CDK13: variants seen among roughly 807,000 people sequenced by gnomAD.
The protein encoded by CDK13 is cyclin dependent kinase 13.
CDK13 carries 40 observed loss-of-function variants against 137.6 expected under a neutral mutation model. That is an observed-to-expected ratio of 0.29 (90% CI 0.23 to 0.38). The LOEUF (loss-of-function observed/expected upper bound fraction) is 0.38. Ranked by LOEUF, CDK13 falls within the 10% of genes least tolerant of loss-of-function variation. CDK13 has a pLI of 1.00. For synonymous variants in CDK13, 869 were observed against 760.1 expected (o/e 1.14, Z -2.36); for missense variants, 1,704 against 1,951.8 (o/e 0.87, Z 2.39).
intron 5 of CDK13, among the ~76,000 whole-genome samples, chr7:40,004,660 A>G (rs1784760261): frequency 6.6e-6 from 1 of 152,214 alleles, no homozygotes; most frequent in Admixed American, 6.5e-5. Flanking sequence ...TTGATTGTCT[A>G]GTTAGAGCAT....
chr7:39,978,546 T>A (rs1334303252), intron 1 of CDK13, among the ~76,000 whole-genome samples: 1 of 152,238 alleles, frequency 6.6e-6, no homozygotes, highest in Non-Finnish European at 1.5e-5. Context: ...TGTCTGTTTT[T>A]AAATATCTTA....
At chr7:39,962,848 C>T (rs1160966505) in intron 1 of CDK13, among the ~76,000 whole-genome samples, 2 of 152,168 alleles carry the variant, frequency 1.3e-5, no homozygotes, top group African/African-American at 4.8e-5. Flanking sequence ...ATAATGCTAG[C>T]TAGTTTTCCC....
At chr7:40,039,260 A>G (rs1182631465) in intron 5 of CDK13, among the ~76,000 whole-genome samples, 1 of 150,702 alleles carries the variant, frequency 6.6e-6, no homozygotes, top group Non-Finnish European at 1.5e-5. Flanking sequence ...TATTTTATTT[A>G]TATATACAGA....
At chr7:39,965,200 A>G (rs938650783) in intron 1 of CDK13, among the ~76,000 whole-genome samples, 3 of 152,116 alleles carry the variant, frequency 2.0e-5, no homozygotes, top group African/African-American at 7.2e-5. Flanking sequence ...TGTCTCGTTG[A>G]TCTGTCTAAT....
At chr7:40,050,073 G>C (rs1785851175) in intron 7 of CDK13, among the ~76,000 whole-genome samples, 1 of 151,770 alleles carries the variant, frequency 6.6e-6, no homozygotes, top group Non-Finnish European at 1.5e-5. Context: ...TCCACCTCCG[G>C]GGTCCAAGTG....
At chr7:40,065,873 C>T (rs1409278471) in intron 9 of CDK13, among the ~76,000 whole-genome samples, 1 of 152,132 alleles carries the variant, frequency 6.6e-6, no homozygotes, top group African/African-American at 2.4e-5. Flanking sequence ...ACTAGTTTAA[C>T]TTCATATGAA....
Position 40,001,925 on chromosome 7 carries a change from A to T in CDK13, c.2247A>T (p.Ala749=), listed in dbSNP as rs2116327612. ...DNEKEGFPIT[A]IREIKILRQL... ...AAAAGGAAGGCTTTCCAATTACAGC[A>T]ATTCGAGAAATTAAAATTCTCCGGC... Residue 749 remains alanine (A), a synonymous_variant, in exon 5 of 14, where the codon GCA becomes GCT. Coordinates refer to ENST00000181839, the MANE Select transcript of CDK13 (RefSeq NM_003718.5). 1 of 1,610,876 alleles carries T rather than the reference A, an allele frequency of 6.2e-7. No homozygotes were observed. The highest frequency in any genetic ancestry group is 1.7e-5 in the Admixed American group (1 of 59,972).
In CDK13 at chr7:40,011,899, T is replaced by A. The variant is rs145381262; in HGVS notation, c.2353+9868T>A. Among the ~76,000 whole-genome samples the A allele has an allele frequency of 4.6e-3, 706 of 152,348 alleles. 5 individuals carry two copies. The highest frequency in any genetic ancestry group is 0.015 in the African/African-American group (633 of 41,578). ...TATTGTATATCTTATAAGGAACTTG[T>A]ATCTTAAATGTATAAATAACTCTTA... On this transcript the variant is annotated intron_variant, in intron 5 of 13. Coordinates refer to ENST00000181839, the MANE Select transcript of CDK13 (RefSeq NM_003718.5).
Position 40,063,096 on chromosome 7 carries a change from ATAAGG to A in CDK13, c.2780+1_2780+5del. 1 of 1,606,266 alleles carries A rather than the reference ATAAGG, an allele frequency of 6.2e-7. No homozygotes were observed. The highest frequency in any genetic ancestry group is 8.5e-7 in the Non-Finnish European group (1 of 1,172,876). The stretch of plus-strand genomic sequence containing the variant: ...TCAGGAACTTGCACAACTAGAATTA[ATAAGG>A]TAAGCTGCTGATTATAATATTGGTG... On this transcript the variant is annotated splice_donor_variant and coding_sequence_variant, in exon 9 of 14. Transcript: ENST00000181839. LOFTEE classifies it high-confidence loss of function.
At chr7:40,082,511 A>G (rs1388263769) in intron 11 of CDK13, among the ~76,000 whole-genome samples, 2 of 147,006 alleles carry the variant, frequency 1.4e-5, no homozygotes, top group African/African-American at 5.3e-5. Flanking sequence ...AAAAAAAAAA[A>G]AAGATTTAAA....
intron 5 of CDK13, among the ~76,000 whole-genome samples, chr7:40,042,473 CTTTCTT>C (rs1269468900): frequency 2.6e-5 from 3 of 114,604 alleles, no homozygotes; most frequent in South Asian, 3.1e-4. Flanking sequence ...CTTTTCTTTT[CTTTCTT>C]TTTTTTTTTT....
chr7:39,950,818 C>G lies in CDK13; in HGVS notation c.177C>G (p.Leu59=). The change falls in exon 1 of 14, where the codon CTC becomes CTG. Residue 59 remains leucine, a synonymous_variant. Coordinates refer to ENST00000181839, the MANE Select transcript of CDK13 (RefSeq NM_003718.5). ...LQPPPPPPPL[L]FLAAPGTAAA... ...CGCCGCCGCCCCCGCCGCCTCTGCTCTTCCTGGCTGCTCCCGGCACGGCCG... is the reference window on the plus strand; with the variant it reads ...CGCCGCCGCCCCCGCCGCCTCTGCTGTTCCTGGCTGCTCCCGGCACGGCCG... 3.5e-6 allele frequency: 5 copies of G among 1,435,378 alleles called. No homozygotes were observed. Among genetic ancestry groups the G allele is most frequent in the Non-Finnish European group, 4.5e-6 (5 of 1,102,720 alleles). 88.9% of individuals were successfully genotyped at this position (1,435,378 alleles called of 1,614,324 possible). A position where few individuals can be genotyped will look rare whatever the true frequency, so the allele number is the denominator to read the frequency against.
chr7:40,084,810 A>G (rs1786748567), intron 11 of CDK13, among the ~76,000 whole-genome samples: 1 of 152,196 alleles, frequency 6.6e-6, no homozygotes, highest in South Asian at 2.1e-4. Context: ...CATGAGGTAG[A>G]TAGTATTGTT....
intron 1 of CDK13, among the ~76,000 whole-genome samples, chr7:39,980,010 G>A (rs1051612527): frequency 3.9e-5 from 6 of 152,170 alleles, no homozygotes; most frequent in African/African-American, 1.4e-4. Context: ...GTTGATTTTA[G>A]TTCACTGAGA....
At position 40,086,098 on chromosome 7, in the gene CDK13, C is replaced by T. The variant is rs561865185; in HGVS notation, c.3030-2028C>T. The stretch of plus-strand genomic sequence containing the variant: ...TTTAGTTGTTAATTTTATAAAAGCG[C>T]GTCATGCTGTTTGTAATATTTTGGG... On this transcript the variant is annotated intron_variant, in intron 11 of 13. Transcript: ENST00000181839. 8.5e-5 allele frequency among the ~76,000 whole-genome samples: 13 copies of T among 152,166 alleles called. No individual in the cohort carries two copies. The South Asian group carries it at 1.0e-3, about 12-fold the overall frequency.
At chr7:40,081,881 G>A (rs978171748) in intron 11 of CDK13, among the ~76,000 whole-genome samples, 2 of 151,968 alleles carry the variant, frequency 1.3e-5, no homozygotes, top group Non-Finnish European at 2.9e-5. Flanking sequence ...CAAAGTGCTG[G>A]GATTACAGGT....
chr7:39,989,086 CAAA>C (rs1213730855), intron 2 of CDK13, among the ~76,000 whole-genome samples: 4 of 46,680 alleles, frequency 8.6e-5, no homozygotes, highest in African/African-American at 1.9e-4. Context: ...CGTGTCTCAC[CAAA>C]AAAAAAAAAA....
chr7:40,017,938 A>T (rs73127886), intron 5 of CDK13, among the ~76,000 whole-genome samples: 33,139 of 139,472 alleles, frequency 0.24, 4,332 homozygotes, highest in Middle Eastern at 0.4. Flanking sequence ...TTTTTTTTTT[A>T]AATTCCCACA....
At chr7:40,090,437 T>C (rs1368593916) in intron 12 of CDK13, among the ~76,000 whole-genome samples, 1 of 152,222 alleles carries the variant, frequency 6.6e-6, no homozygotes. Flanking sequence ...CACTGCAATC[T>C]CCGCCTCCCA....
Sources: allele counts gnomAD v4.1 joint callset (sites outside exome capture counted in the v4.1 genomes callset), GRCh38; gene constraint gnomAD v4.1.1; transcripts MANE v1.5; gene names NCBI Gene and HGNC (gene_info 2026-07-23, HGNC 2026-07-21).